Variants in NRG1 observed in about 807,000 individuals in gnomAD.
NRG1 encodes pro-neuregulin-1, membrane-bound isoform.
NRG1 carries 18 observed loss-of-function variants against 63.8 expected under a neutral mutation model. The ratio of observed to expected loss-of-function variants is 0.28; its 90% CI spans 0.19 to 0.42. The LOEUF is 0.42. Among genes scored for constraint, NRG1 ranks in the 10% least tolerant of loss-of-function variants. The pLI, the probability that NRG1 is intolerant of heterozygous loss-of-function variation, is 1.00. For synonymous variants in NRG1, 302 were observed against 301.3 expected, an observed-to-expected ratio of 1.00 and a Z score of -0.02; for missense variants, 762 against 814.7, an observed-to-expected ratio of 0.94 and a Z score of 0.79.
At chr8:32,451,707 C>T (rs1416746958) in intron 1 of NRG1, among the ~76,000 whole-genome samples, 1 of 152,152 alleles carries the variant, frequency 6.6e-6, no homozygotes, top group Non-Finnish European at 1.5e-5. Flanking sequence ...GAACTTTTAG[C>T]CTTGGAACAG....
chr8:32,554,316 T>C (rs950733252), intron 1 of NRG1, among the ~76,000 whole-genome samples: 3 of 151,918 alleles, frequency 2.0e-5, no homozygotes, highest in Admixed American at 1.3e-4. Flanking sequence ...GTGTATGTTT[T>C]AATGGGTTAA....
chr8:32,259,833 T>C (rs764120690), intron 1 of NRG1, among the ~76,000 whole-genome samples: 1 of 152,194 alleles, frequency 6.6e-6, no homozygotes, highest in Non-Finnish European at 1.5e-5. Flanking sequence ...ATGTGGACTT[T>C]TATGAGGGCT....
In NRG1 at chr8:31,640,020, T is replaced by C. The variant is rs1407410309; in HGVS notation, c.37+589T>C. ...GACGCGCCCCGCGCCGCTCCGGGCG[T>C]CCCGGCCCCCGGGCCCAGCGCCCCG... On this transcript the variant is annotated intron_variant, in intron 1 of 10. Coordinates refer to the NRG1 transcript ENST00000519301. The surrounding 1 kb of genome is among the most constrained non-coding windows in gnomAD (Gnocchi z 6.3). 1.8e-6 allele frequency: 2 copies of C among 1,134,326 alleles called. No individual in the cohort carries two copies. The highest frequency in any genetic ancestry group is 4.7e-5 in the East Asian group (1 of 21,350). 70.3% of individuals were successfully genotyped at this position (1,134,326 alleles called of 1,614,324 possible).
intron 1 of NRG1, among the ~76,000 whole-genome samples, chr8:32,110,227 A>G (rs1042518896): frequency 2.6e-5 from 4 of 152,202 alleles, no homozygotes; most frequent in Admixed American, 2.0e-4. Context: ...AAAGAGAGAA[A>G]TGATTGTCAA....
intron 1 of NRG1, among the ~76,000 whole-genome samples, chr8:32,328,160 C>T (rs1197702557): frequency 6.6e-6 from 1 of 152,126 alleles, no homozygotes; most frequent in East Asian, 1.9e-4. Flanking sequence ...ATAATAATAT[C>T]GCACTCACAT....
At chr8:32,089,853 T>C (rs970387332) in intron 1 of NRG1, among the ~76,000 whole-genome samples, 1 of 152,240 alleles carries the variant, frequency 6.6e-6, no homozygotes, top group Non-Finnish European at 1.5e-5. Context: ...AGATTTCATT[T>C]TCATAATACT....
In NRG1 at chr8:31,879,119, G is replaced by C. The variant is rs1235735276; in HGVS notation, c.37+239688G>C. On this transcript the variant is annotated intron_variant, in intron 1 of 10. Transcript: ENST00000519301. Reference sequence around the variant, plus strand: ...TACTCAAGGGGCACGCATTACACAAGGGATGACCACTCACCTGCAAGGATA... The same window carrying C: ...TACTCAAGGGGCACGCATTACACAACGGATGACCACTCACCTGCAAGGATA... 2.0e-5 allele frequency among the ~76,000 whole-genome samples: 3 copies of C among 152,164 alleles called. No individual in the cohort carries two copies. In the East Asian group the frequency reaches 5.8e-4, roughly 29 times the overall value.
At chr8:31,869,717 C>T (rs1829313132) in intron 1 of NRG1, among the ~76,000 whole-genome samples, 2 of 152,102 alleles carry the variant, frequency 1.3e-5, no homozygotes, top group African/African-American at 2.4e-5. Flanking sequence ...AAGTTTGAAA[C>T]AGCAATCTAA....
intron 1 of NRG1, among the ~76,000 whole-genome samples, chr8:32,415,245 T>G (rs1042536994): frequency 1.3e-5 from 2 of 151,528 alleles, no homozygotes; most frequent in Non-Finnish European, 1.5e-5. Flanking sequence ...CCGTCTCTAT[T>G]AAAAATACAA....
At chr8:32,763,870 C>T (rs1453960811) in exon 12 of NRG1, 1 of 1,613,974 alleles carries the variant, frequency 6.2e-7, no homozygotes, top group Non-Finnish European at 8.5e-7. Flanking sequence ...GTGTCCATGC[C>T]TTCCATGGCG....
chr8:32,697,727 A>G (rs1030861765), intron 5 of NRG1, among the ~76,000 whole-genome samples: 1 of 152,240 alleles, frequency 6.6e-6, no homozygotes, highest in African/African-American at 2.4e-5. Context: ...GATCACTTCA[A>G]ATTGAACTGT....
At chr8:32,064,545 A>G (rs1824425916) in intron 1 of NRG1, among the ~76,000 whole-genome samples, 1 of 152,144 alleles carries the variant, frequency 6.6e-6, no homozygotes, top group Admixed American at 6.6e-5. Flanking sequence ...GCAGAATCCA[A>G]CCTCATAGAT....
At chr8:32,287,623 T>A (rs1372513307) in intron 1 of NRG1, 1 of 152,230 alleles carries the variant, frequency 6.6e-6, no homozygotes, top group Non-Finnish European at 1.5e-5. Flanking sequence ...GATTTATTCA[T>A]CAAGCATTCG....
At chr8:32,245,357 T>C (rs768887007) in intron 1 of NRG1, among the ~76,000 whole-genome samples, 5 of 152,166 alleles carry the variant, frequency 3.3e-5, no homozygotes, top group Non-Finnish European at 7.3e-5. Flanking sequence ...TGAAGCAAAC[T>C]GGAAGGCTTC....
chr8:32,364,290 G>A (rs1807656506), intron 1 of NRG1, among the ~76,000 whole-genome samples: 1 of 151,872 alleles, frequency 6.6e-6, no homozygotes, highest in Non-Finnish European at 1.5e-5. Flanking sequence ...ACTATGAAAA[G>A]TCTCCCTCTC....
At chr8:32,705,411 G>A (rs1022718173) in intron 5 of NRG1, among the ~76,000 whole-genome samples, 6 of 152,156 alleles carry the variant, frequency 3.9e-5, no homozygotes, top group Admixed American at 1.3e-4. Flanking sequence ...GATTACAGGC[G>A]TGAGCCACCG....
chr8:32,702,457 A>T (rs1286278970), intron 5 of NRG1, among the ~76,000 whole-genome samples: 1 of 152,210 alleles, frequency 6.6e-6, no homozygotes. Flanking sequence ...AGGAGAATGG[A>T]TTAATATATG....
intron 1 of NRG1, among the ~76,000 whole-genome samples, chr8:32,525,886 T>C (rs1183713130): frequency 6.6e-6 from 1 of 152,216 alleles, no homozygotes; most frequent in East Asian, 1.9e-4. Flanking sequence ...TACAAATTCA[T>C]CAGCTGCCCA....
At chr8:32,484,531 G>A (rs1026847426) in intron 1 of NRG1, among the ~76,000 whole-genome samples, 2 of 152,036 alleles carry the variant, frequency 1.3e-5, no homozygotes, top group Non-Finnish European at 2.9e-5. Context: ...GTGATTTTGT[G>A]AAATACAAAC....
Sources: allele counts gnomAD v4.1 joint callset (sites outside exome capture counted in the v4.1 genomes callset), GRCh38; gene constraint gnomAD v4.1.1; non-coding constraint Gnocchi (gnomAD v3.1); transcripts MANE v1.5; gene names NCBI Gene and HGNC (gene_info 2026-07-23, HGNC 2026-07-21).